PRKN: variants seen among roughly 807,000 people sequenced by gnomAD.
The protein encoded by PRKN is E3 ubiquitin-protein ligase parkin.
Under a neutral mutation model 59.5 loss-of-function variants are expected in PRKN, and 56 were observed. That is an observed-to-expected ratio of 0.94 (90% CI 0.76 to 1.18). PRKN has a LOEUF of 1.18. Ranked by LOEUF, PRKN falls within the 50% of genes most tolerant of loss-of-function variation. The pLI is 0.00. For synonymous variants in PRKN, 250 were observed against 222.1 expected (o/e 1.13, Z -1.12); for missense variants, 657 against 596.4 (o/e 1.10, Z -1.06).
chr6:161,899,554 A>C (rs1252817268), intron 6 of PRKN, among the ~76,000 whole-genome samples: 3 of 152,196 alleles, frequency 2.0e-5, no homozygotes, highest in African/African-American at 7.2e-5. Context: ...TTTCTCACTC[A>C]TATTTTTCCA....
chr6:162,039,873 CTG>C (rs1487902148), intron 5 of PRKN, among the ~76,000 whole-genome samples: 3 of 152,172 alleles, frequency 2.0e-5, no homozygotes, highest in Non-Finnish European at 4.4e-5. Flanking sequence ...ACAGAGAACA[CTG>C]TGGAAGGTAT....
intron 9 of PRKN, among the ~76,000 whole-genome samples, chr6:161,443,084 G>A (rs1789318417): frequency 6.6e-6 from 1 of 152,106 alleles, no homozygotes; most frequent in African/African-American, 2.4e-5. Flanking sequence ...AAGGCGGGTG[G>A]ATCACCTGAG....
chr6:162,207,953 C>A (rs116253613), intron 3 of PRKN, among the ~76,000 whole-genome samples: 1 of 152,172 alleles, frequency 6.6e-6, no homozygotes, highest in Non-Finnish European at 1.5e-5. Context: ...CATTCAATAT[C>A]TAGAACATCT....
chr6:162,052,319 T>A (rs947683479), intron 5 of PRKN, among the ~76,000 whole-genome samples: 4 of 152,148 alleles, frequency 2.6e-5, no homozygotes, highest in Non-Finnish European at 1.5e-5. Context: ...CTTGTTTAAT[T>A]TGACTGGATA....
At chr6:161,613,583 A>C (rs1486514802) in intron 7 of PRKN, among the ~76,000 whole-genome samples, 1 of 152,190 alleles carries the variant, frequency 6.6e-6, no homozygotes, top group East Asian at 1.9e-4. Flanking sequence ...TTCATGAAAA[A>C]AGAGTCCAGT....
chr6:161,916,818 A>G (rs566308168), intron 6 of PRKN, among the ~76,000 whole-genome samples: 158 of 151,810 alleles, frequency 1.0e-3, no homozygotes, highest in Non-Finnish European at 1.8e-3. Context: ...CTTTTTTTTG[A>G]GGCGGAGTCG....
At chr6:161,757,833 A>ATCTCTCTCCCTGTCTC (rs1554301288) in intron 7 of PRKN, among the ~76,000 whole-genome samples, 1 of 37,626 alleles carries the variant, frequency 2.7e-5, no homozygotes, top group Non-Finnish European at 6.2e-5. Context: ...GCAAAACTCC[A>ATCTCTCTCCCTGTCTC]TCTCTCTCTC....
chr6:162,518,062 T>G (rs1338974471), intron 1 of PRKN, among the ~76,000 whole-genome samples: 1 of 152,158 alleles, frequency 6.6e-6, no homozygotes, highest in Non-Finnish European at 1.5e-5. Flanking sequence ...AAAACTTGTT[T>G]TCATAGGTCA....
chr6:162,626,365 TC>T (rs1269452796), intron 1 of PRKN, among the ~76,000 whole-genome samples: 11 of 152,138 alleles, frequency 7.2e-5, no homozygotes, highest in Non-Finnish European at 1.5e-4. Flanking sequence ...TACTTGCACT[TC>T]CAAAAAGCTT....
intron 7 of PRKN, among the ~76,000 whole-genome samples, chr6:161,621,601 A>T (rs527300298): frequency 6.6e-6 from 1 of 152,168 alleles, no homozygotes; most frequent in Admixed American, 6.5e-5. Context: ...CAATCAATCC[A>T]CTTGGACTCA....
chr6:161,882,722 G>A (rs965456395), intron 6 of PRKN, among the ~76,000 whole-genome samples: 1 of 152,124 alleles, frequency 6.6e-6, no homozygotes, highest in African/African-American at 2.4e-5. Context: ...ACAACTCCAC[G>A]GCTGGGCGCG....
intron 1 of PRKN, among the ~76,000 whole-genome samples, chr6:162,590,018 C>G (rs1781237148): frequency 6.6e-6 from 1 of 152,114 alleles, no homozygotes; most frequent in Non-Finnish European, 1.5e-5. Flanking sequence ...GAATGAGACA[C>G]CAAGTAAATG....
chr6:162,119,692 A>G (rs1209607172), intron 4 of PRKN, among the ~76,000 whole-genome samples: 1 of 152,126 alleles, frequency 6.6e-6, no homozygotes, highest in East Asian at 1.9e-4. Flanking sequence ...CTAAGGAGCC[A>G]GTGGCAAGCG....
At chr6:162,320,745 A>G (rs922085845) in intron 2 of PRKN, among the ~76,000 whole-genome samples, 1 of 151,800 alleles carries the variant, frequency 6.6e-6, no homozygotes. Flanking sequence ...AAAAGAAATG[A>G]AAGTTTATTA....
At chr6:162,646,822 GGTAA>G (rs987817404) in intron 1 of PRKN, among the ~76,000 whole-genome samples, 1 of 152,052 alleles carries the variant, frequency 6.6e-6, no homozygotes, top group African/African-American at 2.4e-5. Flanking sequence ...TGTAACACAC[GGTAA>G]GTATTTGTGT....
At chr6:162,411,834 A>AC (rs1788368300) in intron 2 of PRKN, among the ~76,000 whole-genome samples, 1 of 151,842 alleles carries the variant, frequency 6.6e-6, no homozygotes, top group African/African-American at 2.4e-5. Flanking sequence ...TCCCCACCTC[A>AC]CCCCACCACA....
intron 7 of PRKN, among the ~76,000 whole-genome samples, chr6:161,646,998 A>C (rs1783981373): frequency 6.6e-6 from 1 of 152,246 alleles, no homozygotes; most frequent in African/African-American, 2.4e-5. Context: ...AACTACAATA[A>C]GATCAGTGGC....
rs1424383032 is a variant in PRKN, at chr6:161,445,599, C to T, written c.1084-58722G>A. On this transcript the variant is annotated intron_variant, in intron 9 of 11. Transcript: ENST00000366898. The surrounding 1 kb of genome is among the most constrained non-coding windows in gnomAD (Gnocchi z 7.7). Reference sequence around the variant, plus strand: ...CTGACAGGGCAGCAGGAGAAAGAGGCCACCTGTATCATCCACCCGTGCTGC... The same window carrying T: ...CTGACAGGGCAGCAGGAGAAAGAGGTCACCTGTATCATCCACCCGTGCTGC... Among the ~76,000 whole-genome samples the T allele has an allele frequency of 6.6e-6, 1 of 152,188 alleles. No homozygotes were observed. Among genetic ancestry groups the T allele is most frequent in the African/African-American group, 2.4e-5 (1 of 41,440 alleles).
intron 4 of PRKN, among the ~76,000 whole-genome samples, chr6:162,197,646 A>T (rs546975397): frequency 2.6e-4 from 39 of 152,296 alleles, no homozygotes; most frequent in South Asian, 4.1e-4. Context: ...TGGGCTCATT[A>T]CTTAACCTCA....
Sources: gnomAD v4.1 joint callset for allele counts (sites outside exome capture counted in the v4.1 genomes callset) on GRCh38, gnomAD v4.1.1 for gene constraint, Gnocchi (gnomAD v3.1) non-coding constraint, MANE v1.5 for transcripts, NCBI Gene and HGNC (gene_info 2026-07-23, HGNC 2026-07-21) for gene names.